FGFR2: variants seen among roughly 807,000 people sequenced by gnomAD.
FGFR2 encodes BEK fibroblast growth factor receptor.
A neutral mutation model predicts 95.9 loss-of-function variants in FGFR2; 19 were observed. The observed-to-expected ratio is 0.20, with a 90% CI of 0.14 to 0.29. The LOEUF (loss-of-function observed/expected upper bound fraction) is 0.29, where lower values mean the gene tolerates loss of function less well. Among genes scored for constraint, FGFR2 ranks in the 10% least tolerant of loss-of-function variants. FGFR2 has a pLI of 1.00. For missense variants in FGFR2, 707 were observed against 1,056.9 expected (o/e 0.67, Z 4.59); for synonymous variants, 392 against 393.3 (o/e 1.00, Z 0.04).
chr10:121,488,992 T>C (rs1204241909), intron 13 of FGFR2, among the ~76,000 whole-genome samples: 2 of 152,224 alleles, frequency 1.3e-5, no homozygotes, highest in Non-Finnish European at 1.5e-5. Context: ...AACTCCTCAG[T>C]TGTTCCTCCT....
At chr10:121,498,676 A>C in intron 11 of FGFR2, 71 bp from the exon 12 acceptor site, 3 of 1,265,002 alleles carry the variant, frequency 2.4e-6, no homozygotes, top group Non-Finnish European at 3.5e-6. Context: ...GTTAGTTGCC[A>C]AAGACTTAGT....
At chr10:121,569,456 G>A (rs528241584) in intron 2 of FGFR2, among the ~76,000 whole-genome samples, 8 of 152,152 alleles carry the variant, frequency 5.3e-5, no homozygotes, top group South Asian at 2.1e-4. Context: ...TCCTGACCTC[G>A]TGATCTGCCC....
chr10:121,559,447 A>G (rs2912791), intron 4 of FGFR2, among the ~76,000 whole-genome samples: 94,139 of 152,112 alleles, frequency 0.62, 29,581 homozygotes, highest in African/African-American at 0.72. Flanking sequence ...GTCCACACAG[A>G]CCACAGCTGC....
At chr10:121,539,733 G>A (rs1431817587) in intron 5 of FGFR2, among the ~76,000 whole-genome samples, 1 of 152,216 alleles carries the variant, frequency 6.6e-6, no homozygotes, top group Admixed American at 6.5e-5. Context: ...AATTTCAACT[G>A]ACCTTCTGAG....
At chr10:121,538,269 C>T in intron 6 of FGFR2, 3 of 738,306 alleles carry the variant, frequency 4.1e-6, no homozygotes, top group East Asian at 5.0e-5. Context: ...TACAGCACAT[C>T]TGTACCCTTT....
chr10:121,578,818 G>A (rs1302495315), intron 2 of FGFR2, among the ~76,000 whole-genome samples: 1 of 152,246 alleles, frequency 6.6e-6, no homozygotes, highest in Non-Finnish European at 1.5e-5. Flanking sequence ...GCTGAGGCAA[G>A]AGAATCACTT....
At chr10:121,524,768 C>T (rs960944243) in intron 6 of FGFR2, among the ~76,000 whole-genome samples, 39 of 152,324 alleles carry the variant, frequency 2.6e-4, no homozygotes, top group African/African-American at 6.3e-4. Flanking sequence ...CCTGGCCCAG[C>T]GGGCACTACG....
chr10:121,525,364 T>C (rs1247919158), intron 6 of FGFR2, among the ~76,000 whole-genome samples: 9 of 152,128 alleles, frequency 5.9e-5, no homozygotes, highest in African/African-American at 1.7e-4. Flanking sequence ...GGAATGAGGT[T>C]CCACCAAATA....
At chr10:121,526,312 TA>T (rs902336579) in intron 6 of FGFR2, 3 of 397,732 alleles carry the variant, frequency 7.5e-6, no homozygotes. Context: ...TTTTGTTGCA[TA>T]AAAACGCACT....
chr10:121,536,914 A>G (rs1014208247), intron 6 of FGFR2, among the ~76,000 whole-genome samples: 4 of 152,136 alleles, frequency 2.6e-5, no homozygotes, highest in Non-Finnish European at 5.9e-5. Flanking sequence ...ATTTAGCCCA[A>G]AATCTCTCTT....
At chr10:121,529,990 G>GT (rs1851885133) in intron 6 of FGFR2, among the ~76,000 whole-genome samples, 2 of 152,182 alleles carry the variant, frequency 1.3e-5, no homozygotes, top group Admixed American at 1.3e-4. Context: ...CGCCTCATCT[G>GT]TCTCTTCTCA....
Position 121,590,219 on chromosome 10 carries a change from G to A in FGFR2, c.109+3490C>T, listed in dbSNP as rs569117046. The stretch of plus-strand genomic sequence containing the variant: ...GGAGGGTGGGAAAGTAATTAAGGGT[G>A]TAGGGTTGAAAAGCCCTTTCATTTT... On this transcript the variant is annotated intron_variant, in intron 2 of 17. Coordinates refer to ENST00000358487, the MANE Select transcript of FGFR2 (RefSeq NM_000141.5). 2.0e-5 allele frequency among the ~76,000 whole-genome samples: 3 copies of A among 152,298 alleles called. No homozygotes were observed. The East Asian group carries it at 5.8e-4, about 29-fold the overall frequency.
intron 17 of FGFR2, among the ~76,000 whole-genome samples, chr10:121,482,472 A>T (rs1312145046): frequency 6.6e-6 from 1 of 152,232 alleles, no homozygotes; most frequent in African/African-American, 2.4e-5. Flanking sequence ...CTAAATCAGA[A>T]ATTAAGTGTA....
At chr10:121,540,555 T>C (rs766439960) in intron 5 of FGFR2, among the ~76,000 whole-genome samples, 2 of 152,126 alleles carry the variant, frequency 1.3e-5, no homozygotes, top group African/African-American at 4.8e-5. Context: ...ATGGGACACA[T>C]AGGTATAAGC....
intron 9 of FGFR2, among the ~76,000 whole-genome samples, chr10:121,506,878 TAGA>T (rs1486025469): frequency 1.3e-5 from 2 of 152,246 alleles, no homozygotes; most frequent in African/African-American, 4.8e-5. Flanking sequence ...TTTTATGTTC[TAGA>T]AGAAGTACTT....
chr10:121,579,075 G>C (rs576669451), intron 2 of FGFR2, among the ~76,000 whole-genome samples: 43 of 152,238 alleles, frequency 2.8e-4, no homozygotes, highest in South Asian at 6.2e-4. Flanking sequence ...GCCTCTGCCA[G>C]TAGTGAACGT....
chr10:121,520,358 G>A (rs890545689), intron 6 of FGFR2, among the ~76,000 whole-genome samples, 189 bp from the exon 7 acceptor site: 10 of 152,168 alleles, frequency 6.6e-5, no homozygotes, highest in Admixed American at 2.0e-4. Context: ...CTGCCGGAGC[G>A]CGACCCTTGT....
intron 5 of FGFR2, 67 bp from the exon 6 acceptor site, chr10:121,538,782 C>T: frequency 6.2e-7 from 1 of 1,606,328 alleles, no homozygotes; most frequent in Non-Finnish European, 8.5e-7. Context: ...ACTGTGCTTT[C>T]TTGATTTAAA....
chr10:121,484,637 G>C (rs953024813), intron 16 of FGFR2, among the ~76,000 whole-genome samples: 1 of 152,166 alleles, frequency 6.6e-6, no homozygotes, highest in Admixed American at 6.5e-5. Flanking sequence ...GCAGGAGGCA[G>C]AGAGACTCCT....
Sources: allele counts gnomAD v4.1 joint callset (sites outside exome capture counted in the v4.1 genomes callset), GRCh38; gene constraint gnomAD v4.1.1; transcripts MANE v1.5; gene names NCBI Gene and HGNC (gene_info 2026-07-23, HGNC 2026-07-21).